The following ORC1 variants were observed in gnomAD, a reference collection of about 807,000 sequenced individuals.
ORC1 encodes origin recognition complex, subunit 1 homolog.
ORC1 carries 61 observed loss-of-function variants against 98.9 expected under a neutral mutation model. The observed-to-expected ratio is 0.62, with a 90% CI of 0.50 to 0.76. The LOEUF is 0.76. Among genes scored for constraint, ORC1 ranks in the 30% least tolerant of loss-of-function variants. The pLI, the probability that ORC1 is intolerant of heterozygous loss-of-function variation, is 0.00. For synonymous variants in ORC1, 385 were observed against 406.9 expected, an observed-to-expected ratio of 0.95 and a Z score of 0.65; for missense variants, 979 against 1,072.2, an observed-to-expected ratio of 0.91 and a Z score of 1.21.
At chr1:52,393,405 G>C in intron 6 of ORC1, 38 bp downstream of exon 6, 1 of 1,613,552 alleles carries the variant, frequency 6.2e-7, no homozygotes, top group Non-Finnish European at 8.5e-7. Context: ...GTGATGTGAA[G>C]GATTTCAATT....
intron 14 of ORC1, among the ~76,000 whole-genome samples, chr1:52,376,699 A>C (rs866201695): frequency 3.9e-5 from 6 of 152,260 alleles, no homozygotes; most frequent in African/African-American, 1.4e-4. Context: ...GCAGGGACTC[A>C]AGGGCCTCAA....
rs549939182 is a variant in ORC1, at chr1:52,373,250, G to A, written c.2517C>T (p.Asn839=). The A allele has an allele frequency of 9.3e-6, 15 of 1,614,072 alleles. No individual in the cohort carries two copies. The highest frequency in any genetic ancestry group is 2.2e-5 in the East Asian group (1 of 44,892). The change falls in exon 17 of 17, where the codon AAC becomes AAT. Residue 839 remains asparagine, a synonymous_variant. Coordinates refer to ENST00000371568, the MANE Select transcript of ORC1 (RefSeq NM_004153.4). The part of the protein sequence containing the change: ...CRLLLVEPSR[N]DLLLRVRLNV... ...TGAGCCGCACCCGAAGGAGCAGATCGTTCCTGCTGGGCTCCACAAGCAGGA... is the reference window on the plus strand; with the variant it reads ...TGAGCCGCACCCGAAGGAGCAGATCATTCCTGCTGGGCTCCACAAGCAGGA...
At chr1:52,403,410 GC>G (rs1297341093) in intron 1 of ORC1, among the ~76,000 whole-genome samples, 1 of 152,116 alleles carries the variant, frequency 6.6e-6, no homozygotes, top group African/African-American at 2.4e-5. Context: ...TTCAATTTCG[GC>G]AGATTCACAA....
chr1:52,386,704 G>A (rs1038103151), intron 8 of ORC1, among the ~76,000 whole-genome samples: 3 of 152,214 alleles, frequency 2.0e-5, no homozygotes, highest in African/African-American at 7.2e-5. Context: ...ACTCACGCCT[G>A]TAATCCCAAA....
chr1:52,374,191 G>T (rs1034814523), intron 16 of ORC1, among the ~76,000 whole-genome samples: 1 of 152,122 alleles, frequency 6.6e-6, no homozygotes, highest in African/African-American at 2.4e-5. Context: ...AACAGTAATG[G>T]GCAAAACATG....
At chr1:52,402,273 T>C (rs2147948534) in intron 1 of ORC1, 45 bp from the exon 2 acceptor site, 2 of 1,420,888 alleles carry the variant, frequency 1.4e-6, no homozygotes, top group East Asian at 4.5e-5. Context: ...AAATATTTGG[T>C]ATTTATCTGA....
At chr1:52,378,399 C>T (rs1647021816) in intron 14 of ORC1, among the ~76,000 whole-genome samples, 1 of 151,094 alleles carries the variant, frequency 6.6e-6, no homozygotes, top group South Asian at 2.1e-4. Context: ...GTGGCTCACA[C>T]CTGTAATCCT....
intron 14 of ORC1, among the ~76,000 whole-genome samples, chr1:52,380,546 T>A (rs1195689152): frequency 6.6e-6 from 1 of 151,998 alleles, no homozygotes; most frequent in Non-Finnish European, 1.5e-5. Flanking sequence ...AATACAAAAA[T>A]TAGCTGGGCA....
chr1:52,396,023 C>T (rs534177484), intron 5 of ORC1, 23 bp downstream of exon 5: 36 of 1,614,136 alleles, frequency 2.2e-5, no homozygotes, highest in African/African-American at 9.3e-5. Flanking sequence ...GTATTGCCCA[C>T]GGTGATCCAT....
chr1:52,383,600 C>A, intron 12 of ORC1, 31 bp from the exon 13 acceptor site: 2 of 1,613,058 alleles, frequency 1.2e-6, no homozygotes, highest in South Asian at 2.2e-5. Flanking sequence ...GGTGCAGAGT[C>A]AATCACAGAG....
chr1:52,397,647 A>G, intron 4 of ORC1, 38 bp downstream of exon 4: 1 of 1,601,110 alleles, frequency 6.2e-7, no homozygotes, highest in African/African-American at 1.3e-5. Context: ...GACAGAAATA[A>G]GCTTCAAGGT....
chr1:52,395,889 G>A (rs147078453), intron 5 of ORC1, among the ~76,000 whole-genome samples, 157 bp downstream of exon 5: 1 of 152,326 alleles, frequency 6.6e-6, no homozygotes, highest in Non-Finnish European at 1.5e-5. Flanking sequence ...CAGCTACTGG[G>A]GAGGCTGAGG....
intron 7 of ORC1, among the ~76,000 whole-genome samples, chr1:52,388,867 G>T (rs1647176981): frequency 6.6e-6 from 1 of 152,038 alleles, no homozygotes; most frequent in African/African-American, 2.4e-5. Flanking sequence ...GGAATTTCAG[G>T]CTTAGAAAGG....
Position 52,385,958 on chromosome 1 carries a change from A to T in ORC1, c.1384-9T>A. 6.2e-7 allele frequency: 1 copy of T among 1,607,218 alleles called. No individual in the cohort carries two copies. The highest frequency in any genetic ancestry group is 2.2e-5 in the East Asian group (1 of 44,832). ...GGCGTTCTAGGCTTGAGCTGTATTG[A>T]AAACAAAGAACATATTTCACAAGGA... On this transcript the variant is annotated splice_polypyrimidine_tract_variant and intron_variant, in intron 8 of 16. Transcript: ENST00000371568.
chr1:52,383,521 CAA>C lies in ORC1; in HGVS notation c.1910_1911del (p.Phe637Ter). On this transcript the variant is annotated frameshift_variant, in exon 13 of 17. Transcript: ENST00000371568. LOFTEE classifies it high-confidence loss of function. ...THKQDIMYNL[F>X]DWPTHKEARL... ...CGGGCCTCCTTATGAGTGGGCCAGT[CAA>C]AGAGATTGTACATTATGTCTTGTTT... is the stretch of plus-strand genomic sequence containing the variant. 2 of 1,613,808 alleles carry C rather than the reference CAA, an allele frequency of 1.2e-6. No individual in the cohort carries two copies.
intron 15 of ORC1, 114 bp from the exon 16 acceptor site, chr1:52,375,011 T>G: frequency 1.4e-6 from 1 of 719,594 alleles, no homozygotes; most frequent in Non-Finnish European, 2.5e-6. Flanking sequence ...GGGAAATAAT[T>G]TCTCCTATAT....
upstream of ORC1, among the ~76,000 whole-genome samples, chr1:52,409,324 T>A (rs1470754054): frequency 6.6e-6 from 1 of 152,194 alleles, no homozygotes; most frequent in Non-Finnish European, 1.5e-5. Flanking sequence ...AGGTTAAGAA[T>A]TTGGGGCCAA....
In ORC1 at chr1:52,385,944, C is replaced by T. The variant is rs1207474562; in HGVS notation, c.1389G>A (p.Lys463=). 2 of 1,612,666 alleles carry T rather than the reference C, an allele frequency of 1.2e-6. No homozygotes were observed. The highest frequency in any genetic ancestry group is 1.3e-5 in the African/African-American group (1 of 74,894). The part of the protein sequence containing the change: ...TLTKVPKKSL[K]PRTPRCAAPQ... ...GAGCGGCACAACGTGGCGTTCTAGG[C>T]TTGAGCTGTATTGAAAACAAAGAAC... Residue 463 remains lysine, a synonymous_variant, in exon 9 of 17, where the codon AAG becomes AAA. Transcript: ENST00000371568.
At chr1:52,408,769 C>A, upstream of ORC1, 1 of 1,508,400 alleles carries the variant, frequency 6.6e-7, no homozygotes, top group South Asian at 1.2e-5. Flanking sequence ...TTTGCATTGT[C>A]ATAGACAGTG....
Sources: gnomAD v4.1 joint callset for allele counts (sites outside exome capture counted in the v4.1 genomes callset) on GRCh38, gnomAD v4.1.1 for gene constraint, MANE v1.5 for transcripts, NCBI Gene and HGNC (gene_info 2026-07-23, HGNC 2026-07-21) for gene names.